The following HIVEP3 variants were observed in gnomAD, a reference collection of about 807,000 sequenced individuals.
The protein encoded by HIVEP3 is transcription factor HIVEP3.
In HIVEP3, 49 loss-of-function variants were observed where a neutral mutation model predicts 152.8. The ratio of observed to expected loss-of-function variants is 0.32; its 90% CI spans 0.26 to 0.41. The LOEUF (loss-of-function observed/expected upper bound fraction) is 0.41, where lower values mean the gene tolerates loss of function less well. Ranked by LOEUF, HIVEP3 falls within the 10% of genes least tolerant of loss-of-function variation. The probability of loss-of-function intolerance (pLI) is 1.00; values close to 1 mark genes in which losing one functional copy is unlikely to be tolerated. For missense variants in HIVEP3, 2,790 were observed against 3,103.3 expected (o/e 0.90, Z 2.40); for synonymous variants, 1,269 against 1,289.0 (o/e 0.98, Z 0.33).
rs1469968030 is a variant in HIVEP3, at chr1:41,529,674, AACC to A, written c.5208-4767_5208-4765del. Among the ~76,000 whole-genome samples the A allele has an allele frequency of 3.7e-5, 4 of 108,440 alleles. No homozygotes were observed. In the East Asian group the frequency reaches 1.1e-3, roughly 29 times the overall value. The allele number at this position is 108,440 out of a possible 152,430, so 71.1% of individuals were successfully genotyped here. On this transcript the variant is annotated intron_variant, in intron 5 of 8. Coordinates refer to ENST00000372583, the MANE Select transcript of HIVEP3 (RefSeq NM_024503.5). ...CACTCACGCCCCTACACACTCCCAC[AACC>A]ACACTTGCATCTCCACTTGAATACT...
chr1:41,689,591 GTCC>G (rs1397324246), intron 2 of HIVEP3, among the ~76,000 whole-genome samples: 1 of 152,218 alleles, frequency 6.6e-6, no homozygotes, highest in East Asian at 1.9e-4. Flanking sequence ...TTCTGACACT[GTCC>G]TCCTGTACCC....
At chr1:41,643,763 A>C (rs1196994841) in intron 2 of HIVEP3, among the ~76,000 whole-genome samples, 1 of 152,066 alleles carries the variant, frequency 6.6e-6, no homozygotes, top group African/African-American at 2.4e-5. Context: ...TGTTTCCAGA[A>C]GGAGGGGAAG....
intron 2 of HIVEP3, among the ~76,000 whole-genome samples, chr1:41,672,995 T>C (rs1187218048): frequency 6.6e-6 from 1 of 152,256 alleles, no homozygotes; most frequent in Non-Finnish European, 1.5e-5. Context: ...ACCGGGAATA[T>C]ACACATGTAT....
chr1:41,714,928 T>C (rs1309536445), intron 1 of HIVEP3, among the ~76,000 whole-genome samples: 2 of 152,152 alleles, frequency 1.3e-5, no homozygotes, highest in Non-Finnish European at 2.9e-5. Context: ...AGGTTCAGAC[T>C]GTCTTCCCCA....
At chr1:41,686,202 G>A (rs901021318) in intron 2 of HIVEP3, among the ~76,000 whole-genome samples, 3 of 152,068 alleles carry the variant, frequency 2.0e-5, no homozygotes, top group African/African-American at 7.2e-5. Flanking sequence ...CTCCCGAGTA[G>A]CTGGGACTAC....
chr1:41,681,576 G>A (rs1646039395), intron 2 of HIVEP3, among the ~76,000 whole-genome samples: 1 of 152,166 alleles, frequency 6.6e-6, no homozygotes, highest in Non-Finnish European at 1.5e-5. Context: ...GAGCCACAGA[G>A]GACAAGGCAC....
At chr1:41,686,423 T>C (rs1646117239) in intron 2 of HIVEP3, among the ~76,000 whole-genome samples, 2 of 152,118 alleles carry the variant, frequency 1.3e-5, no homozygotes, top group Admixed American at 6.5e-5. Flanking sequence ...TCCAGAACAA[T>C]GGGCCCATCG....
chr1:41,561,511 A>G (rs957591630), intron 5 of HIVEP3, among the ~76,000 whole-genome samples: 16 of 145,294 alleles, frequency 1.1e-4, no homozygotes, highest in South Asian at 6.8e-4. Context: ...CCAACAATCC[A>G]TATGTCACTT....
At chr1:41,536,104 T>C (rs1414830398) in intron 5 of HIVEP3, among the ~76,000 whole-genome samples, 2 of 152,110 alleles carry the variant, frequency 1.3e-5, no homozygotes, top group Non-Finnish European at 2.9e-5. Flanking sequence ...GGAAATTGCA[T>C]GGCATTTCAG....
At chr1:41,912,378 C>A (rs1421878047) in intron 1 of HIVEP3, among the ~76,000 whole-genome samples, 1 of 152,174 alleles carries the variant, frequency 6.6e-6, no homozygotes, top group Admixed American at 6.5e-5. Context: ...AAAAGATGGT[C>A]ACAACACAAA....
chr1:41,864,215 C>T (rs949771791), intron 1 of HIVEP3, among the ~76,000 whole-genome samples: 2 of 152,034 alleles, frequency 1.3e-5, no homozygotes, highest in African/African-American at 2.4e-5. Flanking sequence ...GCACCCTGGT[C>T]GGGTTCACAG....
chr1:41,518,614 T>C (rs1432139397), intron 6 of HIVEP3, 126 bp from the exon 7 acceptor site: 1 of 872,544 alleles, frequency 1.1e-6, no homozygotes, highest in African/African-American at 1.7e-5. Context: ...CCCTGCCAGC[T>C]GCAGGGCTGG....
chr1:41,920,309 A>G (rs964452300), upstream of HIVEP3, among the ~76,000 whole-genome samples: 1 of 152,030 alleles, frequency 6.6e-6, no homozygotes, highest in Non-Finnish European at 1.5e-5. Context: ...GCTCTGTGAC[A>G]AGGCACAGAC....
chr1:41,525,639 G>T (rs1642878605), intron 5 of HIVEP3, among the ~76,000 whole-genome samples: 1 of 152,222 alleles, frequency 6.6e-6, no homozygotes, highest in South Asian at 2.1e-4. Context: ...TCTGCAGGAT[G>T]CAGGGTCCCA....
In HIVEP3 at chr1:41,842,991, C is replaced by T. The variant is rs187405023; in HGVS notation, c.-801+75422G>A. Among the ~76,000 whole-genome samples the T allele has an allele frequency of 5.9e-5, 9 of 152,244 alleles. No individual in the cohort carries two copies. The East Asian group carries it at 9.6e-4, about 16-fold the overall frequency. The stretch of plus-strand genomic sequence containing the variant: ...TTGTTTCAAATAAAGGCTTTTCTTA[C>T]GCTCAAAAGCAATGTACCCTGGAAA... On this transcript the variant is annotated intron_variant, in intron 1 of 8. Coordinates refer to ENST00000372583, the MANE Select transcript of HIVEP3 (RefSeq NM_024503.5).
chr1:41,584,756 C>T lies in HIVEP3; in HGVS notation c.42G>A (p.Glu14=). The change falls in exon 4 of 9, where the codon GAG becomes GAA. Residue 14 remains glutamate (E), a synonymous_variant. Transcript: ENST00000372583. This position sits in a 1 kb window ranked among gnomAD's most constrained non-coding sequence, Gnocchi z 5.2. ...EQSVKGTKKA[E]GSPRKRLTKG... Reference sequence around the variant, plus strand: ...TGGTCAGCCGCTTCCGGGGACTTCCCTCAGCCTTCTTGGTGCCCTTGACAC... The same window carrying T: ...TGGTCAGCCGCTTCCGGGGACTTCCTTCAGCCTTCTTGGTGCCCTTGACAC... The T allele has an allele frequency of 6.6e-7, 1 of 1,519,008 alleles. No individual in the cohort carries two copies. The highest frequency in any genetic ancestry group is 2.3e-5 in the Admixed American group (1 of 44,302). 94.1% of individuals were successfully genotyped at this position (1,519,008 alleles called of 1,614,324 possible). A position where few individuals can be genotyped will look rare whatever the true frequency, so the allele number is the denominator to read the frequency against.
intron 5 of HIVEP3, among the ~76,000 whole-genome samples, chr1:41,526,453 CAT>C (rs1338462034): frequency 1.3e-4 from 18 of 143,570 alleles, no homozygotes; most frequent in Non-Finnish European, 1.5e-5. Flanking sequence ...CCCTCACACA[CAT>C]GCTCACACCC....
intron 3 of HIVEP3, among the ~76,000 whole-genome samples, chr1:41,619,705 G>C (rs1433808902): frequency 6.6e-6 from 1 of 152,182 alleles, no homozygotes; most frequent in African/African-American, 2.4e-5. Flanking sequence ...TCAGCAGAGG[G>C]AGAGCCAGGG....
At chr1:42,020,375 A>G (rs972627318) in intron 1 of HIVEP3, among the ~76,000 whole-genome samples, 2 of 152,144 alleles carry the variant, frequency 1.3e-5, no homozygotes, top group African/African-American at 2.4e-5. Context: ...TTAATAATGA[A>G]TTAAACTCTT....
Sources: gnomAD v4.1 joint callset for allele counts (sites outside exome capture counted in the v4.1 genomes callset) on GRCh38, gnomAD v4.1.1 for gene constraint, Gnocchi (gnomAD v3.1) non-coding constraint, MANE v1.5 for transcripts, NCBI Gene and HGNC (gene_info 2026-07-23, HGNC 2026-07-21) for gene names.